The following PGM5 variants were observed in gnomAD, a reference collection of about 807,000 sequenced individuals.
PGM5 encodes the protein phosphoglucomutase 5.
A neutral mutation model predicts 59.2 loss-of-function variants in PGM5; 23 were observed. The observed-to-expected ratio is 0.39, with a 90% CI of 0.28 to 0.55. The LOEUF is 0.55. Among genes scored for constraint, PGM5 ranks in the 20% least tolerant of loss-of-function variants. The pLI, the probability that PGM5 is intolerant of heterozygous loss-of-function variation, is 0.66. For synonymous variants in PGM5, 214 were observed against 286.0 expected (o/e 0.75, Z 2.54); for missense variants, 574 against 748.3 (o/e 0.77, Z 2.72).
chr9:68,414,792 G>A (rs1433356998), intron 6 of PGM5, among the ~76,000 whole-genome samples: 1 of 145,986 alleles, frequency 6.8e-6, no homozygotes, highest in Non-Finnish European at 1.5e-5. Flanking sequence ...GAGAAGAGGA[G>A]GTATTTGAAG....
At chr9:68,497,909 T>C (rs1399146250) in intron 9 of PGM5, 1 of 152,208 alleles carries the variant, frequency 6.6e-6, no homozygotes, top group Non-Finnish European at 1.5e-5. Flanking sequence ...CTGCCTCTAC[T>C]GAGAAGAGAT....
intron 7 of PGM5, among the ~76,000 whole-genome samples, chr9:68,472,534 G>A (rs938245328): frequency 6.6e-5 from 10 of 152,174 alleles, no homozygotes; most frequent in African/African-American, 9.6e-5. Context: ...AGACAACTTC[G>A]TCTGAGGGGA....
chr9:68,488,177 A>T (rs542281702), intron 9 of PGM5, among the ~76,000 whole-genome samples: 5 of 152,318 alleles, frequency 3.3e-5, no homozygotes, highest in African/African-American at 1.2e-4. Context: ...TCACATAAAG[A>T]TTTGAGAAGG....
intron 8 of PGM5, among the ~76,000 whole-genome samples, chr9:68,480,698 C>CAA (rs559218499): frequency 8.5e-6 from 1 of 118,196 alleles, no homozygotes. Flanking sequence ...GACTCCATCT[C>CAA]AAAAAAAAAA....
At chr9:68,484,711 T>C (rs1824266519) in intron 9 of PGM5, among the ~76,000 whole-genome samples, 1 of 152,184 alleles carries the variant, frequency 6.6e-6, no homozygotes, top group African/African-American at 2.4e-5. Context: ...TATGAAATGT[T>C]TGTAGCCTGC....
chr9:68,397,258 G>C (rs1822533914), intron 6 of PGM5: 2 of 152,912 alleles, frequency 1.3e-5, no homozygotes, highest in South Asian at 2.1e-4. Context: ...ACCCCATGTA[G>C]AGGTATTAAA....
chr9:68,483,601 T>G (rs1307340635), intron 8 of PGM5, among the ~76,000 whole-genome samples: 6 of 152,144 alleles, frequency 3.9e-5, no homozygotes, highest in Admixed American at 3.9e-4. Flanking sequence ...AAGGTTAAAG[T>G]GTTGAGTTTT....
intron 6 of PGM5, among the ~76,000 whole-genome samples, chr9:68,448,361 G>A (rs1316935629): frequency 1.3e-5 from 2 of 152,166 alleles, no homozygotes; most frequent in African/African-American, 4.8e-5. Flanking sequence ...GACACTTAGG[G>A]AAGGCTGCGT....
chr9:68,408,007 T>A (rs1587797946), intron 6 of PGM5, among the ~76,000 whole-genome samples: 1 of 152,152 alleles, frequency 6.6e-6, no homozygotes, highest in Admixed American at 6.5e-5. Context: ...TTCAGAAAAA[T>A]TCATAACATC....
chr9:68,397,028 CTT>C (rs1278646278), intron 6 of PGM5: 2 of 152,672 alleles, frequency 1.3e-5, no homozygotes, highest in Non-Finnish European at 1.5e-5. Flanking sequence ...TTTTCAGTGT[CTT>C]TAATTTCTAC....
At chr9:68,456,292 T>C (rs956397756) in intron 6 of PGM5, among the ~76,000 whole-genome samples, 18 of 151,816 alleles carry the variant, frequency 1.2e-4, no homozygotes, top group African/African-American at 4.4e-4. Flanking sequence ...TTTTTTCTTT[T>C]TTTTTCTTTT....
chr9:68,421,550 T>C (rs1244231719), intron 6 of PGM5, among the ~76,000 whole-genome samples: 2 of 151,926 alleles, frequency 1.3e-5, no homozygotes, highest in Non-Finnish European at 2.9e-5. Flanking sequence ...AAACCTGTCT[T>C]TACTAAAAAT....
At chr9:68,406,722 A>AG (rs1822826549) in intron 6 of PGM5, among the ~76,000 whole-genome samples, 1 of 88,490 alleles carries the variant, frequency 1.1e-5, no homozygotes, top group Non-Finnish European at 2.2e-5. Flanking sequence ...ATATATATAT[A>AG]TATGTATATA....
chr9:68,372,647 A>G (rs538197611), intron 1 of PGM5, among the ~76,000 whole-genome samples: 57 of 152,310 alleles, frequency 3.7e-4, no homozygotes, highest in African/African-American at 1.3e-3. Context: ...TTGCATTGCT[A>G]TAAAGAAATA....
chr9:68,496,300 T>G (rs1255233175), intron 9 of PGM5, among the ~76,000 whole-genome samples: 2 of 152,228 alleles, frequency 1.3e-5, no homozygotes, highest in Admixed American at 6.5e-5. Flanking sequence ...TGAAAGAACA[T>G]GCAGATCCCA....
intron 1 of PGM5, among the ~76,000 whole-genome samples, chr9:68,369,746 A>G (rs1834748630): frequency 6.6e-6 from 1 of 151,984 alleles, no homozygotes; most frequent in Non-Finnish European, 1.5e-5. Flanking sequence ...ATGCTCATGA[A>G]CTCTCATCCA....
rs782375791 is a variant in PGM5, at chr9:68,465,198, C to G, written c.1149C>G (p.Ser383Arg). 4.4e-6 allele frequency: 7 copies of G among 1,606,562 alleles called. No homozygotes were observed. In the South Asian group the frequency reaches 7.7e-5, roughly 18 times the overall value. Residue 383 changes from serine (S) to arginine (R), a missense_variant, in exon 7 of 11, where the codon AGC becomes AGG. Physicochemically the swap from Ser to Arg is moderately radical, Grantham distance 110 (BLOSUM62 -1). Transcript: ENST00000396396. Reference protein sequence around the residue: ...SGRCNLCGEESFGTGSDHLRE... With the variant: ...SGRCNLCGEERFGTGSDHLRE... ...GTTGCAATCTGTGTGGGGAAGAGAGCTTTGGCACTGGTAGGCTTTGTTGGG... is the reference window on the plus strand; with the variant it reads ...GTTGCAATCTGTGTGGGGAAGAGAGGTTTGGCACTGGTAGGCTTTGTTGGG...
At chr9:68,403,746 C>T (rs1421874416) in intron 6 of PGM5, among the ~76,000 whole-genome samples, 5 of 151,846 alleles carry the variant, frequency 3.3e-5, no homozygotes, top group South Asian at 2.1e-4. Context: ...GATTATACTC[C>T]GAGTGAAAGT....
intron 1 of PGM5, among the ~76,000 whole-genome samples, chr9:68,366,538 G>T (rs1224403485): frequency 6.6e-6 from 1 of 152,220 alleles, no homozygotes; most frequent in Admixed American, 6.5e-5. Flanking sequence ...CTTGGGTGGA[G>T]GGGGTGTATA....
Sources: allele counts gnomAD v4.1 joint callset (sites outside exome capture counted in the v4.1 genomes callset), GRCh38; gene constraint gnomAD v4.1.1; transcripts MANE v1.5; gene names NCBI Gene and HGNC (gene_info 2026-07-23, HGNC 2026-07-21).